PTPRD: variants seen among roughly 807,000 people sequenced by gnomAD.
PTPRD encodes receptor-type tyrosine-protein phosphatase delta.
A neutral mutation model predicts 214.5 loss-of-function variants in PTPRD; 34 were observed. The ratio of observed to expected loss-of-function variants is 0.16; its 90% confidence interval spans 0.12 to 0.21. The LOEUF is 0.21. Among genes scored for constraint, PTPRD ranks in the 10% least tolerant of loss-of-function variants. The probability of loss-of-function intolerance (pLI) is 1.00; values close to 1 mark genes in which losing one functional copy is unlikely to be tolerated. For synonymous variants in PTPRD, 1,128 were observed against 845.7 expected (o/e 1.33, Z -5.79); for missense variants, 2,545 against 2,398.7 (o/e 1.06, Z -1.27).
intron 2 of PTPRD, among the ~76,000 whole-genome samples, chr9:10,550,932 C>T (rs2061211188): frequency 6.6e-6 from 1 of 152,206 alleles, no homozygotes; most frequent in African/African-American, 2.4e-5. Flanking sequence ...TATTAACTTT[C>T]ATTCTCCTAT....
At chr9:9,303,536 T>C (rs1410704364) in intron 9 of PTPRD, among the ~76,000 whole-genome samples, 1 of 152,076 alleles carries the variant, frequency 6.6e-6, no homozygotes, top group East Asian at 1.9e-4. Context: ...AAAAGCTATC[T>C]TACAAAATGA....
rs994661592 is a variant in PTPRD, at chr9:9,608,546, C to T, written c.-286-33765G>A. ...GCATATTTTCCAGAAGACTAATTGG[C>T]CCCACCTCTAACCAACTATTTAGTG... is the stretch of plus-strand genomic sequence containing the variant. On this transcript the variant is annotated intron_variant, in intron 7 of 45. Transcript: ENST00000381196. 3.3e-5 allele frequency among the ~76,000 whole-genome samples: 5 copies of T among 152,150 alleles called. No homozygotes were observed. In the South Asian group the frequency reaches 6.2e-4, roughly 19 times the overall value.
chr9:9,812,926 C>A (rs1339390608), intron 5 of PTPRD, among the ~76,000 whole-genome samples: 1 of 152,012 alleles, frequency 6.6e-6, no homozygotes, highest in African/African-American at 2.4e-5. Context: ...TATCAAATAT[C>A]TTAAAAGATA....
intron 3 of PTPRD, among the ~76,000 whole-genome samples, chr9:10,047,337 T>TGTGTGTGTGTGTGTGTGTGCGC (rs1491445418): frequency 2.8e-5 from 4 of 144,176 alleles, no homozygotes; most frequent in Non-Finnish European, 6.2e-5. Flanking sequence ...TGTGTGTGTG[T>TGTGTGTGTGTGTGTGTGTGCGC]GCGTGTGTGT....
At chr9:9,955,927 A>G (rs1037209159) in intron 4 of PTPRD, among the ~76,000 whole-genome samples, 7 of 152,214 alleles carry the variant, frequency 4.6e-5, no homozygotes, top group Non-Finnish European at 7.3e-5. Flanking sequence ...GGACTACTCA[A>G]TAAAGAGTTA....
intron 11 of PTPRD, among the ~76,000 whole-genome samples, chr9:8,942,902 A>C (rs1473516996): frequency 6.6e-6 from 1 of 152,154 alleles, no homozygotes; most frequent in Admixed American, 6.5e-5. Flanking sequence ...TCCACCAAAA[A>C]ATTATTAAAT....
chr9:9,955,801 C>T (rs771445690), intron 4 of PTPRD, among the ~76,000 whole-genome samples: 3 of 152,084 alleles, frequency 2.0e-5, no homozygotes, highest in Non-Finnish European at 2.9e-5. Context: ...GGATTACAGG[C>T]GTGAGCCACC....
intron 7 of PTPRD, among the ~76,000 whole-genome samples, chr9:9,579,929 C>T (rs2090213791): frequency 6.6e-6 from 1 of 152,046 alleles, no homozygotes; most frequent in Non-Finnish European, 1.5e-5. Context: ...ATTTAGCTCC[C>T]ACTTATAAGA....
chr9:9,679,395 G>A (rs2097015595), intron 7 of PTPRD, among the ~76,000 whole-genome samples: 2 of 151,800 alleles, frequency 1.3e-5, no homozygotes, highest in South Asian at 4.1e-4. Flanking sequence ...TAAATATAAA[G>A]TAATTACCTA....
intron 4 of PTPRD, among the ~76,000 whole-genome samples, chr9:9,975,438 G>T (rs534969639): frequency 1.3e-5 from 2 of 152,356 alleles, no homozygotes; most frequent in South Asian, 4.1e-4. Context: ...AATGCGTTAA[G>T]CGATTTTGCT....
At chr9:8,937,946 A>AAC (rs2099008496) in intron 11 of PTPRD, among the ~76,000 whole-genome samples, 1 of 152,144 alleles carries the variant, frequency 6.6e-6, no homozygotes. Context: ...CTGAGTTCCC[A>AAC]CTATGTGTCA....
intron 12 of PTPRD, among the ~76,000 whole-genome samples, chr9:8,729,711 C>A (rs1006474864): frequency 1.3e-5 from 2 of 152,134 alleles, no homozygotes; most frequent in Non-Finnish European, 2.9e-5. Flanking sequence ...ATATGGGAAA[C>A]TGAGGCTAAA....
At chr9:9,931,516 G>A (rs1034865157) in intron 5 of PTPRD, among the ~76,000 whole-genome samples, 6 of 152,160 alleles carry the variant, frequency 3.9e-5, no homozygotes, top group Non-Finnish European at 7.3e-5. Context: ...GCGCTTTTCC[G>A]ACGGGCTTAA....
chr9:9,477,375 C>T (rs2095134489), intron 8 of PTPRD, among the ~76,000 whole-genome samples: 2 of 152,134 alleles, frequency 1.3e-5, no homozygotes, highest in Admixed American at 1.3e-4. Context: ...CCTTTTCTTA[C>T]AAACTGGGAC....
Position 9,079,976 on chromosome 9 carries a change from A to G in PTPRD, c.-142-61241T>C, listed in dbSNP as rs145781857. Among the ~76,000 whole-genome samples the G allele has an allele frequency of 3.5e-3, 533 of 152,190 alleles. 5 individuals are homozygous for G. Among genetic ancestry groups the G allele is most frequent in the African/African-American group, 2.7e-3 (112 of 41,544 alleles). On this transcript the variant is annotated intron_variant, in intron 10 of 45. Coordinates refer to ENST00000381196, the MANE Select transcript of PTPRD (RefSeq NM_002839.4). ...CACAGTATGCTTGATGAAGCTACCA[A>G]TACAATATTAAATGTTCAATGACAT...
chr9:10,497,322 A>G (rs769786037), intron 2 of PTPRD, among the ~76,000 whole-genome samples: 2 of 152,000 alleles, frequency 1.3e-5, no homozygotes, highest in Non-Finnish European at 2.9e-5. Flanking sequence ...AAAAACTTGC[A>G]TTATTTCTGT....
intron 3 of PTPRD, among the ~76,000 whole-genome samples, chr9:10,212,660 T>C (rs186522317): frequency 1.4e-4 from 21 of 152,272 alleles, no homozygotes; most frequent in Admixed American, 3.9e-4. Context: ...TCTCTGGATG[T>C]GTGATTTAAT....
intron 4 of PTPRD, among the ~76,000 whole-genome samples, chr9:9,991,838 AC>A (rs1363729780): frequency 3.3e-5 from 2 of 61,150 alleles, no homozygotes; most frequent in Non-Finnish European, 6.8e-5. Flanking sequence ...AGCACCACAC[AC>A]ACACACACAC....
chr9:9,706,593 C>T (rs558499718), intron 7 of PTPRD, among the ~76,000 whole-genome samples: 6 of 152,114 alleles, frequency 3.9e-5, no homozygotes, highest in Admixed American at 3.9e-4. Context: ...TTGTGTGCCA[C>T]CACACCCAGC....
Sources: gnomAD v4.1 joint callset for allele counts (sites outside exome capture counted in the v4.1 genomes callset) on GRCh38, gnomAD v4.1.1 for gene constraint, MANE v1.5 for transcripts, NCBI Gene and HGNC (gene_info 2026-07-23, HGNC 2026-07-21) for gene names.